FZD3: variants seen among roughly 807,000 people sequenced by gnomAD.
FZD3 encodes the protein frizzled-3.
Under a neutral mutation model 60.7 loss-of-function variants are expected in FZD3, and 30 were observed. The ratio of observed to expected loss-of-function variants is 0.49; its 90% CI spans 0.37 to 0.67. The LOEUF is 0.67. Among genes scored for constraint, FZD3 ranks in the 30% least tolerant of loss-of-function variants. The pLI is 0.00. For synonymous variants in FZD3, 246 were observed against 275.2 expected, an observed-to-expected ratio of 0.89 and a Z score of 1.05; for missense variants, 605 against 838.7, an observed-to-expected ratio of 0.72 and a Z score of 3.44.
intron 5 of FZD3, among the ~76,000 whole-genome samples, chr8:28,528,553 A>G (rs538321623): frequency 1.3e-5 from 2 of 152,304 alleles, no homozygotes; most frequent in South Asian, 2.1e-4. Flanking sequence ...TGCAAAAGTA[A>G]CAAGATGCAA....
intron 5 of FZD3, among the ~76,000 whole-genome samples, chr8:28,543,261 C>A (rs1411276127): frequency 6.6e-6 from 1 of 152,170 alleles, no homozygotes; most frequent in Non-Finnish European, 1.5e-5. Flanking sequence ...CACCTCTTTA[C>A]AAATAATTAT....
intron 3 of FZD3, among the ~76,000 whole-genome samples, chr8:28,512,789 C>T (rs1247899737): frequency 1.3e-5 from 2 of 152,008 alleles, no homozygotes; most frequent in Non-Finnish European, 2.9e-5. Context: ...CTTCAAATTG[C>T]AGATGGTATT....
At chr8:28,551,580 T>A in intron 5 of FZD3, 23 bp from the exon 6 acceptor site, 1 of 1,535,134 alleles carries the variant, frequency 6.5e-7, no homozygotes, top group South Asian at 1.2e-5. Flanking sequence ...ATATTTAAGA[T>A]GCTTTTCTTT....
intron 5 of FZD3, among the ~76,000 whole-genome samples, chr8:28,532,620 G>A (rs770976895): frequency 2.0e-4 from 30 of 151,858 alleles, no homozygotes; most frequent in Admixed American, 8.5e-4. Context: ...TAGAGATGGG[G>A]TCTCCCTGTG....
chr8:28,558,976 C>T (rs986744900), intron 7 of FZD3, among the ~76,000 whole-genome samples: 3 of 151,810 alleles, frequency 2.0e-5, no homozygotes, highest in Non-Finnish European at 2.9e-5. Flanking sequence ...ATAGCACAAG[C>T]CAGGAATATA....
chr8:28,570,494 G>C lies in FZD3; in HGVS notation c.*7483G>C, dbSNP rs1805786296. The stretch of plus-strand genomic sequence containing the variant: ...AAAAAAATTAGTTGGGCATGGTGGC[G>C]GGCACCTGTAGTCCCAGCCACTCGG... On this transcript the variant is annotated 3_prime_UTR_variant, in exon 8 of 8. Coordinates refer to ENST00000240093, the MANE Select transcript of FZD3 (RefSeq NM_017412.4). 1 of 152,172 alleles carries C rather than the reference G, an allele frequency of 6.6e-6. No homozygotes were observed. The highest frequency in any genetic ancestry group is 1.5e-5 in the Non-Finnish European group (1 of 68,170). The allele number at this position is 152,172 out of a possible 1,614,324, so 9.4% of individuals were successfully genotyped here.
At chr8:28,507,548 A>G (rs888841091) in intron 3 of FZD3, among the ~76,000 whole-genome samples, 2 of 152,190 alleles carry the variant, frequency 1.3e-5, no homozygotes, top group Non-Finnish European at 2.9e-5. Flanking sequence ...GGGGTTTGCA[A>G]AATGGTGATA....
intron 7 of FZD3, among the ~76,000 whole-genome samples, 171 bp downstream of exon 7, chr8:28,556,142 T>G (rs1805504296): frequency 6.6e-6 from 1 of 152,162 alleles, no homozygotes; most frequent in Non-Finnish European, 1.5e-5. Flanking sequence ...TCAGAATTGT[T>G]TAGATTTGAT....
chr8:28,570,684 G>A lies in FZD3; in HGVS notation c.*7673G>A, dbSNP rs1479899695. On this transcript the variant is annotated 3_prime_UTR_variant, in exon 8 of 8. Coordinates refer to ENST00000240093, the MANE Select transcript of FZD3 (RefSeq NM_017412.4). Reference sequence around the variant, plus strand: ...TGCATTAGTTCCATATCTCCGCAGAGTTCTCTGGTAGATTAAATGTTCTCT... The same window carrying A: ...TGCATTAGTTCCATATCTCCGCAGAATTCTCTGGTAGATTAAATGTTCTCT... 1 of 151,528 alleles carries A rather than the reference G, an allele frequency of 6.6e-6. No homozygotes were observed. Among genetic ancestry groups the A allele is most frequent in the Non-Finnish European group, 1.5e-5 (1 of 67,930 alleles). 9.4% of individuals were successfully genotyped at this position (151,528 alleles called of 1,614,324 possible).
chr8:28,533,376 C>T (rs1192704392), intron 5 of FZD3, among the ~76,000 whole-genome samples: 2 of 152,090 alleles, frequency 1.3e-5, no homozygotes, highest in Non-Finnish European at 2.9e-5. Context: ...TGTCTTATTT[C>T]ATCCCTACTG....
At chr8:28,515,931 T>A (rs1804415810) in intron 3 of FZD3, among the ~76,000 whole-genome samples, 1 of 152,250 alleles carries the variant, frequency 6.6e-6, no homozygotes, top group Admixed American at 6.5e-5. Context: ...GCCAATTTTT[T>A]TCTTTTCAAC....
Position 28,567,869 on chromosome 8 carries a change from A to G in FZD3, c.*4858A>G, listed in dbSNP as rs545324338. ...TATTTTTCCTTTTATATGAAATTGT[A>G]TAAGTACATTAGCTTGACTTAAATT... is the stretch of plus-strand genomic sequence containing the variant. On this transcript the variant is annotated 3_prime_UTR_variant, in exon 8 of 8. Coordinates refer to ENST00000240093, the MANE Select transcript of FZD3 (RefSeq NM_017412.4). 2 of 152,278 alleles carry G rather than the reference A, an allele frequency of 1.3e-5. No individual in the cohort carries two copies. Among genetic ancestry groups the G allele is most frequent in the Non-Finnish European group, 2.9e-5 (2 of 68,020 alleles). 9.4% of individuals were successfully genotyped at this position (152,278 alleles called of 1,614,324 possible).
At chr8:28,529,691 CATT>C (rs1804812156) in intron 5 of FZD3, among the ~76,000 whole-genome samples, 1 of 151,984 alleles carries the variant, frequency 6.6e-6, no homozygotes, top group Admixed American at 6.6e-5. Context: ...GATATTTTAT[CATT>C]ATATTAGCTA....
At chr8:28,508,678 TTTTG>T (rs147155384) in intron 3 of FZD3, among the ~76,000 whole-genome samples, 7,689 of 151,496 alleles carry the variant, frequency 0.051, 581 homozygotes, top group African/African-American at 0.16. Context: ...TTTTTGTGTT[TTTTG>T]TTTGTTTGTT....
rs758999912 is a variant in FZD3 at position 28,562,858 on chromosome 8, A to G, written c.1848A>G (p.Arg616=). ...GACTACCTCATGGCAGCATGTCACG[A>G]CTAACAGATCACTCCAGGCATAGTA... The part of the protein sequence containing the change: ...EERLPHGSMS[R]LTDHSRHSSS... The change falls in exon 8 of 8, where the codon CGA becomes CGG. Residue 616 remains arginine (R), a synonymous_variant. Transcript: ENST00000240093. 3 of 1,613,730 alleles carry G rather than the reference A, an allele frequency of 1.9e-6. No individual in the cohort carries two copies. The African/African-American group carries it at 4.0e-5, about 22-fold the overall frequency.
At position 28,555,790 on chromosome 8, in the gene FZD3, C is replaced by T; in HGVS notation, c.1606C>T (p.Leu536Phe). The stretch of plus-strand genomic sequence containing the variant: ...CCAGGAACCTGATTTTGCTCAGTCT[C>T]TCCTGAGGGATCCAAATACTCCTAT... ...VLQEPDFAQS[L>F]LRDPNTPIIR... Residue 536 changes from leucine (L) to phenylalanine (F), a missense_variant, in exon 7 of 8, where the codon CTC (leucine) becomes TTC (phenylalanine). Leu to Phe is a conservative substitution (Grantham distance 22). Coordinates refer to ENST00000240093, the MANE Select transcript of FZD3 (RefSeq NM_017412.4). 1 of 1,613,880 alleles carries T rather than the reference C, an allele frequency of 6.2e-7. No homozygotes were observed. The highest frequency in any genetic ancestry group is 8.5e-7 in the Non-Finnish European group (1 of 1,179,732).
In FZD3 at chr8:28,565,662, G is replaced by T. The variant is rs976718278; in HGVS notation, c.*2651G>T. The T allele has an allele frequency of 1.3e-5, 2 of 152,088 alleles. No homozygotes were observed. The highest frequency in any genetic ancestry group is 1.5e-5 in the Non-Finnish European group (1 of 67,984). The allele number at this position is 152,088 out of a possible 1,614,324, so 9.4% of individuals were successfully genotyped here. ...TTGTATTTTCTCTATTAAATTGTGG[G>T]TATGTATGGGAATACTATATTGACT... is the stretch of plus-strand genomic sequence containing the variant. On this transcript the variant is annotated 3_prime_UTR_variant, in exon 8 of 8. Transcript: ENST00000240093.
intron 3 of FZD3, among the ~76,000 whole-genome samples, chr8:28,506,014 T>C (rs531109428): frequency 6.6e-6 from 1 of 152,346 alleles, no homozygotes; most frequent in East Asian, 1.9e-4. Flanking sequence ...CCCCTGTGTA[T>C]GAGTAGCTTT....
At chr8:28,506,044 A>G (rs1351366280) in intron 3 of FZD3, among the ~76,000 whole-genome samples, 1 of 152,166 alleles carries the variant, frequency 6.6e-6, no homozygotes, top group Non-Finnish European at 1.5e-5. Context: ...AAAAATGCTC[A>G]CTTCTGAGCC....
Sources: allele counts gnomAD v4.1 joint callset (sites outside exome capture counted in the v4.1 genomes callset), GRCh38; gene constraint gnomAD v4.1.1; transcripts MANE v1.5; gene names NCBI Gene and HGNC (gene_info 2026-07-23, HGNC 2026-07-21).